DHX8: variants seen among roughly 807,000 people sequenced by gnomAD.
The protein encoded by DHX8 is DEAH-box helicase 8.
A neutral mutation model predicts 140.7 loss-of-function variants in DHX8; 67 were observed. The observed-to-expected ratio is 0.48, with a 90% CI of 0.39 to 0.58. The LOEUF (loss-of-function observed/expected upper bound fraction) is 0.58. DHX8 is among the 20% of genes least tolerant of loss of function. The pLI is 0.00. For missense variants in DHX8, 887 were observed against 1,550.7 expected (o/e 0.57, Z 7.19); for synonymous variants, 533 against 553.2 (o/e 0.96, Z 0.51).
At chr17:43,492,066 C>T (rs1293312456) in intron 4 of DHX8, 117 bp from the exon 5 acceptor site, 3 of 706,316 alleles carry the variant, frequency 4.2e-6, no homozygotes, top group Admixed American at 2.4e-5. Flanking sequence ...AGTTTGAAAT[C>T]TCTGCCCCTC....
At chr17:43,492,581 GGGTACCTACCATGT>G in intron 5 of DHX8, 86 bp from the exon 6 acceptor site, 1 of 701,932 alleles carries the variant, frequency 1.4e-6, no homozygotes, top group Non-Finnish European at 2.5e-6. Context: ...AAAACCTAGT[GGGTACCTACCATGT>G]GCATGGCACT....
At chr17:43,536,085 T>G (rs565742962) in intron 2 of DHX8, among the ~76,000 whole-genome samples, 2 of 152,190 alleles carry the variant, frequency 1.3e-5, no homozygotes, top group South Asian at 4.2e-4. Context: ...CACTCCAGCC[T>G]GGGTGACAGA....
rs1343798338 is a variant in DHX8 at position 43,498,934 on chromosome 17, A to G, written c.1373A>G (p.Asp458Gly). 12 of 1,581,592 alleles carry G rather than the reference A, an allele frequency of 7.6e-6. No individual in the cohort carries two copies. The highest frequency in any genetic ancestry group is 1.0e-5 in the Non-Finnish European group (12 of 1,170,490). The change falls in exon 10 of 23, where the codon GAC (aspartate) becomes GGC (glycine). Residue 458 changes from aspartate to glycine, a missense_variant. Asp to Gly is a moderately conservative substitution (Grantham distance 94). Coordinates refer to ENST00000262415, the MANE Select transcript of DHX8 (RefSeq NM_004941.3). ...FLRGHTKQSM[D>G]MSPIKIVKNP... Reference sequence around the variant, plus strand: ...AGAGGGCACACTAAGCAAAGCATGGACATGAGCCCCATTAAAATTGTCAAG... The same window carrying G: ...AGAGGGCACACTAAGCAAAGCATGGGCATGAGCCCCATTAAAATTGTCAAG...
chr17:43,511,455 C>CCTTTTTTTTTTTT (rs1279628229), intron 16 of DHX8, among the ~76,000 whole-genome samples: 1 of 6,594 alleles, frequency 1.5e-4, no homozygotes, highest in Non-Finnish European at 3.1e-4. Flanking sequence ...GTGATCCCAG[C>CCTTTTTTTTTTTT]ATTTTTTTTT....
chr17:43,519,518 T>G (rs1970268350), intron 18 of DHX8: 1 of 3,384 alleles, frequency 3.0e-4, no homozygotes, highest in African/African-American at 5.7e-4. Context: ...TGTTAGGGTT[T>G]TTTGTTTTTT....
chr17:43,493,898 T>C lies in DHX8; in HGVS notation c.1212+12T>C. The C allele has an allele frequency of 6.2e-7, 1 of 1,614,050 alleles. No homozygotes were observed. The highest frequency in any genetic ancestry group is 8.5e-7 in the Non-Finnish European group (1 of 1,179,926). On this transcript the variant is annotated intron_variant, in intron 8 of 22. Transcript: ENST00000262415. ...GGGAGATCAAACAGGTTGGGGCCTT[T>C]AGTTTTCATGACCAGATAGTCATTC... is the stretch of plus-strand genomic sequence containing the variant.
intron 17 of DHX8, among the ~76,000 whole-genome samples, chr17:43,514,300 G>T (rs929926135): frequency 6.6e-6 from 1 of 152,118 alleles, no homozygotes; most frequent in African/African-American, 2.4e-5. Flanking sequence ...AGCTAAGATA[G>T]CATCACTGCA....
At chr17:43,520,417 T>G in intron 19 of DHX8, 150 bp downstream of exon 19, 1 of 1,067,892 alleles carries the variant, frequency 9.4e-7, no homozygotes, top group Non-Finnish European at 1.3e-6. Flanking sequence ...TTCTCCACTG[T>G]CACTTTAAAC....
intron 14 of DHX8, 24 bp from the exon 15 acceptor site, chr17:43,507,785 A>C: frequency 6.2e-7 from 1 of 1,613,882 alleles, no homozygotes; most frequent in South Asian, 1.1e-5. Context: ...CCTTTTCAGT[A>C]AGCCACATAA....
intron 18 of DHX8, chr17:43,519,528 T>TC (rs201577190): frequency 6.6e-6 from 1 of 151,548 alleles, no homozygotes; most frequent in East Asian, 1.9e-4. Flanking sequence ...TTTTGTTTTT[T>TC]TTTTTCTTGG....
intron 3 of DHX8, among the ~76,000 whole-genome samples, chr17:43,537,062 AT>A (rs1971278946): frequency 4.6e-5 from 7 of 152,216 alleles, no homozygotes; most frequent in Admixed American, 4.6e-4. Context: ...GATCCTGTGG[AT>A]TTAAAAATCA....
intron 14 of DHX8, 26 bp from the exon 15 acceptor site, chr17:43,507,782 AG>A: frequency 6.2e-7 from 1 of 1,613,834 alleles, no homozygotes; most frequent in South Asian, 1.1e-5. Flanking sequence ...AGTCCTTTTC[AG>A]TAAGCCACAT....
chr17:43,541,578 G>A (rs1230122682), intron 3 of DHX8, among the ~76,000 whole-genome samples: 1 of 152,100 alleles, frequency 6.6e-6, no homozygotes, highest in Non-Finnish European at 1.5e-5. Context: ...CTCCCAAGCT[G>A]GATTCTGGAA....
chr17:43,519,727 G>C (rs556186615), intron 18 of DHX8: 1 of 158,908 alleles, frequency 6.3e-6, no homozygotes, highest in Admixed American at 6.5e-5. Context: ...GATCACTTGA[G>C]GTCAGGAGTT....
chr17:43,513,901 C>T (rs527660211), intron 17 of DHX8, among the ~76,000 whole-genome samples: 11 of 151,836 alleles, frequency 7.2e-5, no homozygotes, highest in East Asian at 1.9e-4. Flanking sequence ...TTAGTAGAGA[C>T]GGGGTTTCAT....
chr17:43,489,575 T>A (rs758006316), intron 2 of DHX8, 41 bp downstream of exon 2: 1 of 1,370,672 alleles, frequency 7.3e-7, no homozygotes, highest in Non-Finnish European at 1.0e-6. Flanking sequence ...ATATTAATGT[T>A]TTAATTTATG....
At chr17:43,517,390 T>C in intron 18 of DHX8, 68 bp downstream of exon 18, 1 of 1,524,666 alleles carries the variant, frequency 6.6e-7, no homozygotes, top group South Asian at 1.2e-5. Flanking sequence ...TAAATGAATT[T>C]CAGTTTTATG....
At chr17:43,533,151 TG>T in intron 2 of DHX8, 1 of 1,607,378 alleles carries the variant, frequency 6.2e-7, no homozygotes, top group Non-Finnish European at 8.5e-7. Context: ...AAAAAACACC[TG>T]GGCCCATGAG....
Position 43,524,977 on chromosome 17 carries a change from A to G in DHX8, c.*1130A>G. On this transcript the variant is annotated 3_prime_UTR_variant, in exon 23 of 23. Coordinates refer to ENST00000262415, the MANE Select transcript of DHX8 (RefSeq NM_004941.3). ...GAGGGTTTTTTTTTTTTCTTCCCAT[A>G]GAGATGGGTTCCCACTGTGCTGCCC... is the stretch of plus-strand genomic sequence containing the variant. 1 of 983,646 alleles carries G rather than the reference A, an allele frequency of 1.0e-6. No homozygotes were observed. The highest frequency in any genetic ancestry group is 1.2e-6 in the Non-Finnish European group (1 of 829,284). 60.9% of individuals were successfully genotyped at this position (983,646 alleles called of 1,614,324 possible).
Sources: gnomAD v4.1 joint callset for allele counts (sites outside exome capture counted in the v4.1 genomes callset) on GRCh38, gnomAD v4.1.1 for gene constraint, MANE v1.5 for transcripts, NCBI Gene and HGNC (gene_info 2026-07-23, HGNC 2026-07-21) for gene names.